The following EYS variants were observed in gnomAD, a reference collection of about 807,000 sequenced individuals.
The protein encoded by EYS is EGF-like photoreceptor maintenance factor, also known as protein eyes shut homolog.
A neutral mutation model predicts 282.1 loss-of-function variants in EYS; 250 were observed. The observed-to-expected ratio is 0.89, with a 90% CI of 0.80 to 0.98. EYS has a LOEUF of 0.98. Among genes scored for constraint, EYS ranks in the 50% least tolerant of loss-of-function variants. The pLI is 0.00. For missense variants in EYS, 4,016 were observed against 3,709.0 expected (o/e 1.08, Z -2.15); for synonymous variants, 1,355 against 1,282.9 (o/e 1.06, Z -1.20).
intron 2 of EYS, among the ~76,000 whole-genome samples, chr6:65,520,915 C>T (rs185973531): frequency 1.3e-5 from 2 of 151,682 alleles, no homozygotes; most frequent in South Asian, 4.2e-4. Context: ...ATTGGAGAGG[C>T]AATTAAAAAT....
At chr6:65,154,723 T>A (rs1764693093) in intron 12 of EYS, among the ~76,000 whole-genome samples, 1 of 151,470 alleles carries the variant, frequency 6.6e-6, no homozygotes, top group Non-Finnish European at 1.5e-5. Context: ...TACTGCTTGA[T>A]TACTAGAGCA....
chr6:65,051,565 T>C (rs556150600), intron 13 of EYS, among the ~76,000 whole-genome samples: 7 of 151,562 alleles, frequency 4.6e-5, no homozygotes, highest in African/African-American at 9.7e-5. Context: ...GAACACAAAA[T>C]CTAATCTGTA....
intron 5 of EYS, among the ~76,000 whole-genome samples, chr6:65,477,359 T>A (rs571020635): frequency 1.6e-4 from 24 of 152,290 alleles, no homozygotes; most frequent in African/African-American, 5.3e-4. Flanking sequence ...GAACAAAGAA[T>A]GAAAATATGC....
intron 30 of EYS, among the ~76,000 whole-genome samples, chr6:64,273,996 C>G (rs1298487134): frequency 6.6e-6 from 1 of 152,196 alleles, no homozygotes; most frequent in Non-Finnish European, 1.5e-5. Flanking sequence ...AACTCTTGCT[C>G]CCAGACTTAT....
chr6:65,329,334 G>A (rs1364280006), intron 11 of EYS: 1 of 833,938 alleles, frequency 1.2e-6, no homozygotes, highest in Admixed American at 6.3e-5. Flanking sequence ...ATGTGTATGG[G>A]TAATACAATG....
At chr6:65,348,311 C>G (rs1367690428) in intron 9 of EYS, among the ~76,000 whole-genome samples, 1 of 151,750 alleles carries the variant, frequency 6.6e-6, no homozygotes, top group Non-Finnish European at 1.5e-5. Flanking sequence ...AACCTCCAAA[C>G]TGTTCTCCAC....
At chr6:64,009,904 G>T in intron 33 of EYS, among the ~76,000 whole-genome samples, 1 of 151,988 alleles carries the variant, frequency 6.6e-6, no homozygotes, top group Non-Finnish European at 1.5e-5. Context: ...TGTGTTTTTG[G>T]TTTGTTTGTT....
At chr6:65,698,668 T>A (rs1201377766) in intron 1 of EYS, among the ~76,000 whole-genome samples, 1 of 152,182 alleles carries the variant, frequency 6.6e-6, no homozygotes, top group Non-Finnish European at 1.5e-5. Flanking sequence ...TCAAGGCACC[T>A]TCTGGTTTCT....
chr6:64,158,467 T>TCA (rs1388892067), intron 31 of EYS, among the ~76,000 whole-genome samples: 1 of 152,216 alleles, frequency 6.6e-6, no homozygotes, highest in Non-Finnish European at 1.5e-5. Context: ...ACTAAATACC[T>TCA]GCAGTGGTGA....
chr6:64,908,027 T>A (rs758947960), intron 16 of EYS, among the ~76,000 whole-genome samples: 2 of 152,154 alleles, frequency 1.3e-5, no homozygotes, highest in Non-Finnish European at 2.9e-5. Flanking sequence ...GAAACATAAC[T>A]AAAAGTTGTC....
At chr6:65,358,142 T>C (rs1427445085) in intron 8 of EYS, among the ~76,000 whole-genome samples, 7 of 151,948 alleles carry the variant, frequency 4.6e-5, no homozygotes, top group Non-Finnish European at 1.5e-5. Context: ...GTTCACTTAG[T>C]TTGATTTTTT....
intron 5 of EYS, among the ~76,000 whole-genome samples, chr6:65,451,816 TTTTATC>T (rs1161345269): frequency 6.6e-6 from 1 of 152,004 alleles, no homozygotes; most frequent in African/African-American, 2.4e-5. Context: ...TATTCCAACA[TTTTATC>T]TTTATAAATA....
intron 31 of EYS, among the ~76,000 whole-genome samples, chr6:64,095,539 G>T (rs1371597246): frequency 6.6e-6 from 1 of 152,026 alleles, no homozygotes; most frequent in Non-Finnish European, 1.5e-5. Context: ...GATCTTTGTT[G>T]GTTTAAAGTC....
chr6:64,069,834 C>T (rs1771508690), intron 32 of EYS, among the ~76,000 whole-genome samples: 1 of 152,106 alleles, frequency 6.6e-6, no homozygotes, highest in African/African-American at 2.4e-5. Context: ...CATTTAAAAC[C>T]ATGAAAATTT....
At chr6:64,082,465 G>C (rs746452204) in intron 31 of EYS, among the ~76,000 whole-genome samples, 1 of 151,944 alleles carries the variant, frequency 6.6e-6, no homozygotes, top group Non-Finnish European at 1.5e-5. Flanking sequence ...ATCACATCAG[G>C]GTCAATGGAG....
intron 26 of EYS, among the ~76,000 whole-genome samples, chr6:64,513,584 G>T (rs1777471920): frequency 6.6e-6 from 1 of 151,818 alleles, no homozygotes. Context: ...GCAGCTAATG[G>T]ATAACACTAA....
At chr6:64,072,801 T>C (rs1771637974) in intron 32 of EYS, among the ~76,000 whole-genome samples, 1 of 151,956 alleles carries the variant, frequency 6.6e-6, no homozygotes, top group Admixed American at 6.6e-5. Context: ...ATGTTACCAT[T>C]TCAGACTCAT....
Position 64,864,385 on chromosome 6 carries a change from C to CTTTTTTTTTTTTTTTTTTTTTTTTT in EYS, c.2992+22311_2992+22312insAAAAAAAAAAAAAAAAAAAAAAAAA, listed in dbSNP as rs769240399. 9.9e-3 allele frequency among the ~76,000 whole-genome samples: 567 copies of CTTTTTTTTTTTTTTTTTTTTTTTTT among 57,176 alleles called. 134 individuals are homozygous for CTTTTTTTTTTTTTTTTTTTTTTTTT. Among genetic ancestry groups the CTTTTTTTTTTTTTTTTTTTTTTTTT allele is most frequent in the Non-Finnish European group, 0.015 (416 of 27,914 alleles). The allele number at this position is 57,176 out of a possible 152,430, so 37.5% of individuals were successfully genotyped here. ...GAGAAATACAGAGGTGCTATACCTT[C>CTTTTTTTTTTTTTTTTTTTTTTTTT]TTTTTTTTTTTTTTTTTTTTTGACA... On this transcript the variant is annotated intron_variant, in intron 19 of 42. Transcript: ENST00000503581.
intron 12 of EYS, among the ~76,000 whole-genome samples, chr6:65,271,659 T>C (rs1199939526): frequency 3.3e-5 from 5 of 151,880 alleles, no homozygotes; most frequent in South Asian, 4.1e-4. Context: ...CTCGGCTCAC[T>C]ACATCCTATG....
Sources: gnomAD v4.1 joint callset for allele counts (sites outside exome capture counted in the v4.1 genomes callset) on GRCh38, gnomAD v4.1.1 for gene constraint, MANE v1.5 for transcripts, NCBI Gene and HGNC (gene_info 2026-07-23, HGNC 2026-07-21) for gene names.